The following STK32B variants were observed in gnomAD, a reference collection of about 807,000 sequenced individuals.
The protein encoded by STK32B is serine/threonine kinase 32B.
STK32B carries 43 observed loss-of-function variants against 52.6 expected under a neutral mutation model. That is an observed-to-expected ratio of 0.82 (90% CI 0.64 to 1.05). The LOEUF (loss-of-function observed/expected upper bound fraction) is 1.05, where lower values mean the gene tolerates loss of function less well. Ranked by LOEUF, STK32B falls within the 50% of genes least tolerant of loss-of-function variation. The probability of loss-of-function intolerance (pLI) is 0.00; values close to 1 mark genes in which losing one functional copy is unlikely to be tolerated. For synonymous variants in STK32B, 238 were observed against 204.3 expected, an observed-to-expected ratio of 1.17 and a Z score of -1.41; for missense variants, 621 against 534.6, an observed-to-expected ratio of 1.16 and a Z score of -1.59.
chr4:5,211,778 T>C (rs2108786718), intron 3 of STK32B, among the ~76,000 whole-genome samples: 1 of 152,228 alleles, frequency 6.6e-6, no homozygotes, highest in Non-Finnish European at 1.5e-5. Flanking sequence ...AAATGCACAT[T>C]TGTTCATTTG....
At chr4:5,293,222 T>C (rs1244082574) in intron 3 of STK32B, among the ~76,000 whole-genome samples, 1 of 152,130 alleles carries the variant, frequency 6.6e-6, no homozygotes, top group Non-Finnish European at 1.5e-5. Flanking sequence ...TCCAAGTTTT[T>C]GCTATTGTAA....
rs927991880 is a variant in STK32B at position 5,378,747 on chromosome 4, G to A, written c.435-19460G>A. 2.0e-5 allele frequency among the ~76,000 whole-genome samples: 3 copies of A among 152,178 alleles called. No homozygotes were observed. The highest frequency in any genetic ancestry group is 7.2e-5 in the African/African-American group (3 of 41,440). On this transcript the variant is annotated intron_variant, in intron 4 of 11. Coordinates refer to ENST00000282908, the MANE Select transcript of STK32B (RefSeq NM_018401.3). The surrounding 1 kb of genome is among the most constrained non-coding windows in gnomAD (Gnocchi z 4.4). ...GTCAGCACACCTGCTGCTGGTTGGT[G>A]GAAATGTCTTTGAGAAACGCTGGCT...
At position 5,174,094 on chromosome 4, in the gene STK32B, G is replaced by C. The variant is rs183460113; in HGVS notation, c.260+5644G>C. On this transcript the variant is annotated intron_variant, in intron 3 of 11. Coordinates refer to ENST00000282908, the MANE Select transcript of STK32B (RefSeq NM_018401.3). The stretch of plus-strand genomic sequence containing the variant: ...CTCTTTTGATCTTTGTTGGTTTAAA[G>C]TCTGTTTTATCTGAGACTAGGATTG... 2.2e-3 allele frequency among the ~76,000 whole-genome samples: 328 copies of C among 152,144 alleles called. 5 individuals carry two copies. In the East Asian group the frequency reaches 0.052, roughly 24 times the overall value.
intron 5 of STK32B, among the ~76,000 whole-genome samples, chr4:5,411,333 C>A (rs1711654306): frequency 6.6e-6 from 1 of 151,880 alleles, no homozygotes; most frequent in Admixed American, 6.6e-5. Context: ...CTGTGCCCGG[C>A]CAGGGCCCCA....
chr4:5,202,246 A>G (rs1003025977), intron 3 of STK32B, among the ~76,000 whole-genome samples: 2 of 152,242 alleles, frequency 1.3e-5, no homozygotes, highest in Non-Finnish European at 2.9e-5. Context: ...TAAAGCTCCA[A>G]CATAGTCTCC....
chr4:5,255,907 C>T (rs149188880), intron 3 of STK32B, among the ~76,000 whole-genome samples: 394 of 152,240 alleles, frequency 2.6e-3, no homozygotes, highest in African/African-American at 8.4e-3. Flanking sequence ...GGTGAACATA[C>T]GCATGCATGT....
chr4:5,351,091 A>C (rs114082691), intron 4 of STK32B, among the ~76,000 whole-genome samples: 163 of 152,046 alleles, frequency 1.1e-3, no homozygotes, highest in African/African-American at 3.6e-3. Flanking sequence ...CAACAACAAC[A>C]ACCACGAAAC....
chr4:5,418,606 C>T (rs1441109832), intron 6 of STK32B, among the ~76,000 whole-genome samples: 2 of 152,172 alleles, frequency 1.3e-5, no homozygotes, highest in Non-Finnish European at 1.5e-5. Flanking sequence ...CATTTATAGG[C>T]GGTACCTAAC....
intron 1 of STK32B, among the ~76,000 whole-genome samples, chr4:5,120,807 G>T (rs1383957017): frequency 1.3e-5 from 2 of 151,428 alleles, no homozygotes; most frequent in Admixed American, 6.6e-5. Context: ...GAAATATATA[G>T]AGAAAATACA....
intron 3 of STK32B, among the ~76,000 whole-genome samples, chr4:5,242,424 G>C (rs989878923): frequency 6.6e-6 from 1 of 152,118 alleles, no homozygotes; most frequent in Non-Finnish European, 1.5e-5. Context: ...TGATGGGGTT[G>C]TTTGTTTTTT....
At chr4:5,192,067 G>A (rs1252277162) in intron 3 of STK32B, among the ~76,000 whole-genome samples, 1 of 152,166 alleles carries the variant, frequency 6.6e-6, no homozygotes, top group African/African-American at 2.4e-5. Flanking sequence ...AACATCCATT[G>A]CCAGGGAGGC....
chr4:5,224,446 G>T (rs565113546), intron 3 of STK32B, among the ~76,000 whole-genome samples: 6 of 152,300 alleles, frequency 3.9e-5, no homozygotes, highest in African/African-American at 1.4e-4. Flanking sequence ...GTATAAATTT[G>T]TAAATCCTCC....
chr4:5,066,835 A>T (rs1224353921), intron 1 of STK32B, among the ~76,000 whole-genome samples: 2 of 152,226 alleles, frequency 1.3e-5, no homozygotes, highest in African/African-American at 4.8e-5. Context: ...CATTTGACTC[A>T]GTCATCTCCC....
At chr4:5,095,646 A>G (rs922625359) in intron 1 of STK32B, among the ~76,000 whole-genome samples, 1 of 152,208 alleles carries the variant, frequency 6.6e-6, no homozygotes, top group Non-Finnish European at 1.5e-5. Flanking sequence ...AACAGGGTTC[A>G]TTTATTAAAA....
At position 5,398,915 on chromosome 4, in the gene STK32B, C is replaced by T. The variant is rs1008594072; in HGVS notation, c.472+671C>T. 6.6e-6 allele frequency among the ~76,000 whole-genome samples: 1 copy of T among 152,212 alleles called. No individual in the cohort carries two copies. Among genetic ancestry groups the T allele is most frequent in the African/African-American group, 2.4e-5 (1 of 41,446 alleles). On this transcript the variant is annotated intron_variant, in intron 5 of 11. Transcript: ENST00000282908. This position sits in a 1 kb window ranked among gnomAD's most constrained non-coding sequence, Gnocchi z 4.9. ...GTAGCAAGGCACCAAGTCAGTGGCT[C>T]TCCAACTCTGGCCTTACCAGAATTA...
chr4:5,022,217 A>T, the STK32B span, among the ~76,000 whole-genome samples: 2 of 152,088 alleles, frequency 1.3e-5, no homozygotes, highest in African/African-American at 2.4e-5. Context: ...CTTCTCTAGG[A>T]GAGAAAGACA....
intron 1 of STK32B, among the ~76,000 whole-genome samples, chr4:5,087,117 A>G (rs1179885826): frequency 6.6e-6 from 1 of 152,176 alleles, no homozygotes; most frequent in Non-Finnish European, 1.5e-5. Context: ...TTAAATCTAT[A>G]TAGATAGGCA....
chr4:5,317,254 C>T (rs1350460758), intron 3 of STK32B, among the ~76,000 whole-genome samples: 2 of 17,684 alleles, frequency 1.1e-4, no homozygotes, highest in African/African-American at 1.3e-3. Flanking sequence ...TTATATATAA[C>T]ATATAACATA....
chr4:5,369,451 G>A (rs1735086221), intron 4 of STK32B, among the ~76,000 whole-genome samples: 1 of 151,992 alleles, frequency 6.6e-6, no homozygotes, highest in South Asian at 2.1e-4. Context: ...TCAGCAGAGG[G>A]CAGGCAGCAG....
Sources: allele counts gnomAD v4.1 joint callset (sites outside exome capture counted in the v4.1 genomes callset), GRCh38; gene constraint gnomAD v4.1.1; non-coding constraint Gnocchi (gnomAD v3.1); transcripts MANE v1.5; gene names NCBI Gene and HGNC (gene_info 2026-07-23, HGNC 2026-07-21).